PRELID2: variants seen among roughly 807,000 people sequenced by gnomAD.
PRELID2 encodes the protein PRELI domain-containing protein 2.
A neutral mutation model predicts 28.4 loss-of-function variants in PRELID2; 25 were observed. The ratio of observed to expected loss-of-function variants is 0.88; its 90% CI spans 0.64 to 1.23. The LOEUF (loss-of-function observed/expected upper bound fraction) is 1.23, where lower values mean the gene tolerates loss of function less well. PRELID2 is among the 50% of genes most tolerant of loss of function. PRELID2 has a pLI of 0.00. For missense variants in PRELID2, 201 were observed against 214.4 expected (o/e 0.94, Z 0.39); for synonymous variants, 76 against 71.6 (o/e 1.06, Z -0.31).
At chr5:145,756,070 T>C (rs1757248176), downstream of PRELID2, among the ~76,000 whole-genome samples, 1 of 152,242 alleles carries the variant, frequency 6.6e-6, no homozygotes, top group Non-Finnish European at 1.5e-5. Context: ...TTTGTCCATG[T>C]TGGGCTTCAT....
the PRELID2 span, among the ~76,000 whole-genome samples, chr5:145,307,788 A>G: frequency 1.3e-5 from 2 of 151,766 alleles, no homozygotes; most frequent in South Asian, 2.1e-4. Context: ...AGACCATTGG[A>G]GCAGGAAAAA....
intron 1 of PRELID2, among the ~76,000 whole-genome samples, chr5:145,584,094 T>C (rs1477246956): frequency 2.0e-5 from 3 of 152,020 alleles, no homozygotes; most frequent in Non-Finnish European, 2.9e-5. Flanking sequence ...AACAGACACA[T>C]AGACCAACGG....
At chr5:145,281,638 C>T in the PRELID2 span, among the ~76,000 whole-genome samples, 2 of 152,174 alleles carry the variant, frequency 1.3e-5, no homozygotes, top group Non-Finnish European at 2.9e-5. Context: ...TCACAGTGTT[C>T]CCACATGGAA....
intron 1 of PRELID2, among the ~76,000 whole-genome samples, chr5:145,668,110 T>A (rs369469051): frequency 6.6e-6 from 1 of 152,224 alleles, no homozygotes; most frequent in East Asian, 1.9e-4. Context: ...GCTATTGATC[T>A]GCACATTCAA....
At chr5:145,648,474 G>A (rs900268837) in intron 1 of PRELID2, among the ~76,000 whole-genome samples, 4 of 151,538 alleles carry the variant, frequency 2.6e-5, no homozygotes, top group African/African-American at 4.8e-5. Context: ...TTTGGTGAGG[G>A]AAGGAGATTA....
At chr5:145,784,877 A>C (rs2087124613) in intron 5 of PRELID2, among the ~76,000 whole-genome samples, 1 of 152,106 alleles carries the variant, frequency 6.6e-6, no homozygotes, top group Admixed American at 6.5e-5. Context: ...GTTAAATGTG[A>C]ATACACTGAG....
At chr5:145,235,769 A>G in the PRELID2 span, among the ~76,000 whole-genome samples, 3 of 152,126 alleles carry the variant, frequency 2.0e-5, no homozygotes, top group Non-Finnish European at 4.4e-5. Context: ...TCCTAGCAGG[A>G]AACATATCCC....
chr5:145,826,564 C>T (rs1357938754), intron 1 of PRELID2, among the ~76,000 whole-genome samples: 8 of 152,062 alleles, frequency 5.3e-5, no homozygotes, highest in Non-Finnish European at 2.9e-5. Context: ...TTTCCTTTCC[C>T]GAAGACATGA....
intron 1 of PRELID2, among the ~76,000 whole-genome samples, chr5:145,481,707 T>C (rs1280610601): frequency 1.7e-5 from 2 of 118,018 alleles, no homozygotes; most frequent in Non-Finnish European, 3.6e-5. Flanking sequence ...GAAGTACCAA[T>C]AGAATTAAGT....
chr5:145,526,161 A>G (rs1752603846), intron 1 of PRELID2, among the ~76,000 whole-genome samples: 1 of 152,200 alleles, frequency 6.6e-6, no homozygotes. Flanking sequence ...CTTTTCTTCA[A>G]TCTTTACAAC....
At chr5:145,450,985 A>G in the PRELID2 span, 1 of 152,188 alleles carries the variant, frequency 6.6e-6, no homozygotes, top group Non-Finnish European at 1.5e-5. Context: ...GAGTCACTTG[A>G]CTTGGCCAAG....
rs1374838719 is a variant in PRELID2 at position 145,740,392 on chromosome 5, G to C, written n.70+24539C>G. Among the ~76,000 whole-genome samples the C allele has an allele frequency of 2.2e-5, 3 of 133,544 alleles. No individual in the cohort carries two copies. In the Admixed American group the frequency reaches 2.4e-4, roughly 11 times the overall value. The allele number at this position is 133,544 out of a possible 152,430, so 87.6% of individuals were successfully genotyped here. A position where few individuals can be genotyped will look rare whatever the true frequency, so the allele number is the denominator to read the frequency against. On this transcript the variant is annotated intron_variant and non_coding_transcript_variant, in intron 1 of 2. Coordinates refer to the PRELID2 transcript ENST00000510259. ...CAGCAAAAATTTATAGAACTGAAAG[G>C]AGAAATACAGAAATCATTATAGGTG...
chr5:145,806,736 T>C (rs453355), intron 4 of PRELID2, among the ~76,000 whole-genome samples: 131,028 of 152,094 alleles, frequency 0.86, 56,631 homozygotes, highest in East Asian at 0.92. Flanking sequence ...AGTGGTTTCC[T>C]CCATGCTGCT....
chr5:145,711,674 G>A (rs1755699001), intron 1 of PRELID2, among the ~76,000 whole-genome samples: 1 of 151,650 alleles, frequency 6.6e-6, no homozygotes, highest in Non-Finnish European at 1.5e-5. Flanking sequence ...CAGAGTAGGA[G>A]AACTGAGAGA....
the PRELID2 span, among the ~76,000 whole-genome samples, chr5:145,295,814 TAAAC>T: frequency 1.3e-5 from 2 of 152,090 alleles, no homozygotes; most frequent in Admixed American, 6.6e-5. Flanking sequence ...AATACATTAA[TAAAC>T]AAAACAAGTA....
intron 1 of PRELID2, among the ~76,000 whole-genome samples, chr5:145,632,508 C>T (rs1347157): frequency 1 from 151,604 of 152,308 alleles, 75,454 homozygotes; most frequent in Middle Eastern, 1. Flanking sequence ...TTTAATAATT[C>T]ATAAACCACA....
At chr5:145,248,030 A>G in the PRELID2 span, among the ~76,000 whole-genome samples, 1 of 152,114 alleles carries the variant, frequency 6.6e-6, no homozygotes, top group African/African-American at 2.4e-5. Context: ...GAAAATCATA[A>G]CTAATATACC....
chr5:145,503,268 G>C (rs927984195), intron 1 of PRELID2, among the ~76,000 whole-genome samples: 2 of 152,146 alleles, frequency 1.3e-5, no homozygotes, highest in Middle Eastern at 3.4e-3. Flanking sequence ...CTAATCCTCT[G>C]AGCAACTGTA....
At chr5:145,396,278 CA>C in the PRELID2 span, among the ~76,000 whole-genome samples, 1 of 152,038 alleles carries the variant, frequency 6.6e-6, no homozygotes, top group Non-Finnish European at 1.5e-5. Context: ...CCTGAAAATG[CA>C]GGTTCATTGT....
Sources: gnomAD v4.1 joint callset for allele counts (sites outside exome capture counted in the v4.1 genomes callset) on GRCh38, gnomAD v4.1.1 for gene constraint, MANE v1.5 for transcripts, NCBI Gene and HGNC (gene_info 2026-07-23, HGNC 2026-07-21) for gene names.